CYP2C19: variants seen among roughly 807,000 people sequenced by gnomAD.
The protein encoded by CYP2C19 is cytochrome P450 2C19.
Under a neutral mutation model 40.9 loss-of-function variants are expected in CYP2C19, and 59 were observed. That is an observed-to-expected ratio of 1.44 (90% confidence interval 1.17 to 1.79). The LOEUF is 1.79. Among genes scored for constraint, CYP2C19 ranks in the 40% most tolerant of loss-of-function variants. CYP2C19 has a pLI of 0.00. For missense variants in CYP2C19, 754 were observed against 596.9 expected (o/e 1.26, Z -2.74); for synonymous variants, 253 against 208.7 (o/e 1.21, Z -1.83).
intron 5 of CYP2C19, among the ~76,000 whole-genome samples, chr10:94,793,411 G>T (rs185358908): frequency 6.6e-6 from 1 of 152,292 alleles, no homozygotes; most frequent in Non-Finnish European, 1.5e-5. Flanking sequence ...GCAAGGAGCT[G>T]CTTCCTTTGG....
At chr10:94,793,435 C>T (rs1848638491) in intron 5 of CYP2C19, among the ~76,000 whole-genome samples, 1 of 152,164 alleles carries the variant, frequency 6.6e-6, no homozygotes, top group Admixed American at 6.5e-5. Context: ...AGAAGAGGTG[C>T]TCTGATTTTT....
In CYP2C19 at chr10:94,772,829, C is replaced by T. The variant is rs775819858; in HGVS notation, c.169-2229C>T. Among the ~76,000 whole-genome samples the T allele has an allele frequency of 1.8e-4, 28 of 152,164 alleles. No individual in the cohort carries two copies. The East Asian group carries it at 2.7e-3, about 15-fold the overall frequency. On this transcript the variant is annotated intron_variant, in intron 1 of 8. Coordinates refer to ENST00000371321, the MANE Select transcript of CYP2C19 (RefSeq NM_000769.4). ...TCGCTCTGTCGCCCAGGCCGGACTG[C>T]GGACTGCAGTGGCGCAACCTTGGCT...
intron 5 of CYP2C19, among the ~76,000 whole-genome samples, chr10:94,791,194 C>G (rs1357933563): frequency 6.6e-6 from 1 of 152,110 alleles, no homozygotes; most frequent in Non-Finnish European, 1.5e-5. Context: ...GTTTGTATTT[C>G]TGTGGGATCA....
chr10:94,770,824 C>T (rs1848319148), intron 1 of CYP2C19, among the ~76,000 whole-genome samples: 1 of 149,960 alleles, frequency 6.7e-6, no homozygotes, highest in South Asian at 2.1e-4. Context: ...ATGTTTATGA[C>T]TACAGTCCCC....
intron 5 of CYP2C19, among the ~76,000 whole-genome samples, chr10:94,813,263 G>A (rs192844368): frequency 1.3e-3 from 202 of 152,148 alleles, no homozygotes; most frequent in African/African-American, 4.2e-3. Context: ...AGGGACACTT[G>A]CCAGATACCA....
chr10:94,768,305 A>G (rs549005172), intron 1 of CYP2C19, among the ~76,000 whole-genome samples: 17 of 152,278 alleles, frequency 1.1e-4, no homozygotes, highest in South Asian at 6.2e-4. Flanking sequence ...TAACTTTGCC[A>G]TAACCTGCCC....
chr10:94,836,313 A>G (rs1252486382), intron 6 of CYP2C19, among the ~76,000 whole-genome samples: 2 of 152,226 alleles, frequency 1.3e-5, no homozygotes, highest in Non-Finnish European at 2.9e-5. Context: ...CTTTGCCACT[A>G]CATCAGTTTC....
intron 7 of CYP2C19, among the ~76,000 whole-genome samples, chr10:94,845,900 T>C (rs1849566479): frequency 6.6e-6 from 1 of 152,134 alleles, no homozygotes; most frequent in Non-Finnish European, 1.5e-5. Context: ...TATATCTATA[T>C]GTACATATGG....
At chr10:94,796,039 T>C (rs1848681133) in intron 5 of CYP2C19, among the ~76,000 whole-genome samples, 1 of 152,188 alleles carries the variant, frequency 6.6e-6, no homozygotes, top group African/African-American at 2.4e-5. Flanking sequence ...TTTGTTGCCA[T>C]TGCTTTTTGT....
At position 94,853,766 on chromosome 10, in the gene CYP2C19, T is replaced by G. The variant is rs1849692096; in HGVS notation, c.*852T>G. On this transcript the variant is annotated 3_prime_UTR_variant, in exon 9 of 9. Coordinates refer to ENST00000371321, the MANE Select transcript of CYP2C19 (RefSeq NM_000769.4). ...TTTCACCATGTTAGCCAGGATGATC[T>G]CAATCTGCTGACCTCCTGATCTGCC... Among the ~76,000 whole-genome samples, 1 of 151,976 alleles carries G rather than the reference T, an allele frequency of 6.6e-6. No homozygotes were observed. Among genetic ancestry groups the G allele is most frequent in the Non-Finnish European group, 1.5e-5 (1 of 67,998 alleles).
chr10:94,818,522 G>A (rs1378909369), intron 5 of CYP2C19, among the ~76,000 whole-genome samples: 2 of 146,542 alleles, frequency 1.4e-5, no homozygotes, highest in Non-Finnish European at 3.0e-5. Flanking sequence ...CTACCCATGA[G>A]CATGGAATGT....
Position 94,775,449 on chromosome 10 carries a change from C to T in CYP2C19, c.391C>T (p.Leu131=), listed in dbSNP as rs749219220. ...GATCCGGCGTTTCTCCCTCATGACG[C>T]TGCGGAATTTTGGGATGGGGAAGAG... is the stretch of plus-strand genomic sequence containing the variant. The part of the protein sequence containing the change: ...KEIRRFSLMT[L]RNFGMGKRSI... Residue 131 remains leucine, a synonymous_variant, in exon 3 of 9, where the codon CTG becomes TTG. Coordinates refer to ENST00000371321, the MANE Select transcript of CYP2C19 (RefSeq NM_000769.4). The T allele has an allele frequency of 6.2e-6, 10 of 1,614,022 alleles. No individual in the cohort carries two copies. The highest frequency in any genetic ancestry group is 2.2e-5 in the South Asian group (2 of 91,072).
At chr10:94,816,272 AT>A (rs372796843) in intron 5 of CYP2C19, among the ~76,000 whole-genome samples, 6,973 of 142,940 alleles carry the variant, frequency 0.049, 209 homozygotes, top group South Asian at 0.12. Context: ...TTTTATTTTT[AT>A]TTTTTTTATT....
chr10:94,773,400 G>T (rs1414670929), intron 1 of CYP2C19, among the ~76,000 whole-genome samples: 1 of 152,182 alleles, frequency 6.6e-6, no homozygotes, highest in East Asian at 1.9e-4. Flanking sequence ...TGGTCTTGCT[G>T]ACTTCAAGGG....
chr10:94,821,278 G>T (rs939389681), intron 6 of CYP2C19, among the ~76,000 whole-genome samples: 5 of 152,100 alleles, frequency 3.3e-5, no homozygotes, highest in Non-Finnish European at 5.9e-5. Context: ...TTGCATGTTG[G>T]TTTTATTATT....
chr10:94,804,159 C>A (rs1428252028), intron 5 of CYP2C19, among the ~76,000 whole-genome samples: 3 of 152,112 alleles, frequency 2.0e-5, no homozygotes, highest in Non-Finnish European at 4.4e-5. Flanking sequence ...CTCCACTCCT[C>A]AATCTTAGGG....
At chr10:94,850,111 A>G in intron 8 of CYP2C19, 53 bp downstream of exon 8, 5 of 1,601,310 alleles carry the variant, frequency 3.1e-6, no homozygotes, top group Non-Finnish European at 2.6e-6. Flanking sequence ...AACTTTTTTG[A>G]TCAGTTGGAA....
At chr10:94,803,274 T>TG (rs1291363706) in intron 5 of CYP2C19, among the ~76,000 whole-genome samples, 8 of 152,230 alleles carry the variant, frequency 5.3e-5, no homozygotes, top group Admixed American at 1.3e-4. Context: ...TCCCTTCCAA[T>TG]GGGGGTGTAA....
In CYP2C19 at chr10:94,852,782, A is replaced by T; in HGVS notation, c.1341A>T (p.Leu447Phe). Residue 447 changes from leucine (L) to phenylalanine (F), a missense_variant, in exon 9 of 9, where the codon TTA (leucine) becomes TTT (phenylalanine). Leu to Phe is a conservative substitution (Grantham distance 22). Coordinates refer to ENST00000371321, the MANE Select transcript of CYP2C19 (RefSeq NM_000769.4). ...GEGLARMELF[L>F]FLTFILQNFN... ...GCCTGGCCCGCATGGAGCTGTTTTT[A>T]TTCCTGACCTTCATTTTACAGAACT... The T allele has an allele frequency of 6.2e-7, 1 of 1,614,048 alleles. No individual in the cohort carries two copies. Among genetic ancestry groups the T allele is most frequent in the Non-Finnish European group, 8.5e-7 (1 of 1,179,948 alleles).
Sources: gnomAD v4.1 joint callset for allele counts (sites outside exome capture counted in the v4.1 genomes callset) on GRCh38, gnomAD v4.1.1 for gene constraint, MANE v1.5 for transcripts, NCBI Gene and HGNC (gene_info 2026-07-23, HGNC 2026-07-21) for gene names.